HAO1: variants seen among roughly 807,000 people sequenced by gnomAD.
HAO1 encodes hydroxyacid oxidase 1.
Under a neutral mutation model 39.7 loss-of-function variants are expected in HAO1, and 34 were observed. That is an observed-to-expected ratio of 0.86 (90% CI 0.65 to 1.14). The LOEUF (loss-of-function observed/expected upper bound fraction) is 1.14, where lower values mean the gene tolerates loss of function less well. Among genes scored for constraint, HAO1 ranks in the 50% most tolerant of loss-of-function variants. The probability of loss-of-function intolerance (pLI) is 0.00; values close to 1 mark genes in which losing one functional copy is unlikely to be tolerated. For synonymous variants in HAO1, 172 were observed against 173.2 expected (o/e 0.99, Z 0.05); for missense variants, 479 against 464.5 (o/e 1.03, Z -0.29).
intron 4 of HAO1, among the ~76,000 whole-genome samples, chr20:7,905,054 G>A (rs954824344): frequency 6.6e-6 from 1 of 152,204 alleles, no homozygotes; most frequent in African/African-American, 2.4e-5. Context: ...ACAGAATAAT[G>A]TTTGAGATGA....
chr20:7,898,145 G>A (rs898457683), intron 4 of HAO1, among the ~76,000 whole-genome samples: 1 of 152,144 alleles, frequency 6.6e-6, no homozygotes, highest in Non-Finnish European at 1.5e-5. Flanking sequence ...AAGAAGTAGG[G>A]TGGGAGCAGG....
At chr20:7,886,190 T>G (rs1166509769) in intron 5 of HAO1, among the ~76,000 whole-genome samples, 4 of 152,106 alleles carry the variant, frequency 2.6e-5, no homozygotes, top group African/African-American at 9.7e-5. Flanking sequence ...TTGTTTTTTT[T>G]TGAGAGAGGG....
chr20:7,884,014 C>G (rs2050139759), intron 7 of HAO1, among the ~76,000 whole-genome samples: 1 of 152,212 alleles, frequency 6.6e-6, no homozygotes. Flanking sequence ...AGACTGAGTA[C>G]AGTAGTGAGT....
intron 7 of HAO1, 120 bp from the exon 8 acceptor site, chr20:7,883,783 G>A: frequency 1.2e-6 from 1 of 851,928 alleles, no homozygotes; most frequent in South Asian, 1.4e-5. Flanking sequence ...AGGTAGGCTT[G>A]CCAAATCTTA....
chr20:7,925,897 A>C (rs746441418), intron 2 of HAO1, among the ~76,000 whole-genome samples: 2 of 152,176 alleles, frequency 1.3e-5, no homozygotes, highest in African/African-American at 2.4e-5. Flanking sequence ...TAGGTGTTTT[A>C]ATCAACAATC....
chr20:7,888,792 T>C (rs2050161587), intron 5 of HAO1, among the ~76,000 whole-genome samples: 1 of 152,228 alleles, frequency 6.6e-6, no homozygotes, highest in South Asian at 2.1e-4. Flanking sequence ...ATTGAACTTA[T>C]GATTTGCTTT....
chr20:7,895,268 C>G (rs527685391), intron 4 of HAO1, 44 bp from the exon 5 acceptor site: 2 of 1,315,430 alleles, frequency 1.5e-6, no homozygotes, highest in Admixed American at 3.4e-5. Context: ...TGTAACTTAA[C>G]AGGCAGCTTG....
Position 7,909,360 on chromosome 20 carries a change from CATATATATAT to C in HAO1, c.546-3041_546-3032del, listed in dbSNP as rs749171756. On this transcript the variant is annotated intron_variant, in intron 3 of 7. Transcript: ENST00000378789. The stretch of plus-strand genomic sequence containing the variant: ...AATGCTATTTTTATTCGGATTATGA[CATATATATAT>C]ATATATATGTATATATATATATATA... Among the ~76,000 whole-genome samples, 2 of 109,090 alleles carry C rather than the reference CATATATATAT, an allele frequency of 1.8e-5. 1 individual carries two copies. The highest frequency in any genetic ancestry group is 3.4e-5 in the Non-Finnish European group (2 of 58,916). 71.6% of individuals were successfully genotyped at this position (109,090 alleles called of 152,430 possible).
chr20:7,917,781 T>C (rs760935815), intron 2 of HAO1, among the ~76,000 whole-genome samples: 16 of 152,162 alleles, frequency 1.1e-4, no homozygotes, highest in Non-Finnish European at 2.1e-4. Flanking sequence ...AGGATTCCCT[T>C]GAACTCATGA....
chr20:7,920,441 A>C (rs1030276038), intron 2 of HAO1, among the ~76,000 whole-genome samples: 3 of 152,142 alleles, frequency 2.0e-5, no homozygotes, highest in African/African-American at 7.2e-5. Flanking sequence ...TAAATACCTA[A>C]TCGTTTAGTA....
At chr20:7,888,732 T>C (rs150620281) in intron 5 of HAO1, among the ~76,000 whole-genome samples, 1 of 152,158 alleles carries the variant, frequency 6.6e-6, no homozygotes, top group Admixed American at 6.6e-5. Flanking sequence ...TGCAACATTA[T>C]GGGAGAAAGG....
At chr20:7,891,539 A>G (rs967142468) in intron 5 of HAO1, among the ~76,000 whole-genome samples, 5 of 152,070 alleles carry the variant, frequency 3.3e-5, no homozygotes, top group African/African-American at 9.7e-5. Flanking sequence ...AAAGCTCTTT[A>G]GTTTAATTAA....
At chr20:7,924,065 T>A (rs957306712) in intron 2 of HAO1, among the ~76,000 whole-genome samples, 1 of 152,136 alleles carries the variant, frequency 6.6e-6, no homozygotes, top group Non-Finnish European at 1.5e-5. Context: ...CACAGGTACA[T>A]TTGCCACATT....
At chr20:7,917,994 G>T (rs960806202) in intron 2 of HAO1, among the ~76,000 whole-genome samples, 3 of 152,166 alleles carry the variant, frequency 2.0e-5, no homozygotes, top group African/African-American at 7.2e-5. Flanking sequence ...ACAAGTAACT[G>T]CTGGAGTTAT....
intron 3 of HAO1, among the ~76,000 whole-genome samples, chr20:7,912,166 G>A (rs2050283132): frequency 1.3e-5 from 2 of 152,126 alleles, no homozygotes; most frequent in African/African-American, 2.4e-5. Context: ...TATGCACACC[G>A]ACAGCTGAAA....
chr20:7,917,979 T>C (rs1482819277), intron 2 of HAO1, among the ~76,000 whole-genome samples: 1 of 152,210 alleles, frequency 6.6e-6, no homozygotes, highest in East Asian at 1.9e-4. Flanking sequence ...TGATTCTACC[T>C]TGATACAAGT....
At chr20:7,908,506 T>C (rs930226812) in intron 3 of HAO1, among the ~76,000 whole-genome samples, 2 of 152,144 alleles carry the variant, frequency 1.3e-5, no homozygotes, top group Admixed American at 6.5e-5. Flanking sequence ...TTTTACACTT[T>C]AGAGTATTTT....
At chr20:7,908,114 G>A (rs2050257046) in intron 3 of HAO1, among the ~76,000 whole-genome samples, 1 of 152,116 alleles carries the variant, frequency 6.6e-6, no homozygotes, top group Non-Finnish European at 1.5e-5. Flanking sequence ...TATCGGCTGG[G>A]CGCAATGGCT....
chr20:7,922,200 C>A (rs780412137), intron 2 of HAO1, among the ~76,000 whole-genome samples: 1 of 152,054 alleles, frequency 6.6e-6, no homozygotes, highest in Non-Finnish European at 1.5e-5. Context: ...ATGAAAGAAG[C>A]TCAGTATCAC....
Sources: allele counts gnomAD v4.1 joint callset (sites outside exome capture counted in the v4.1 genomes callset), GRCh38; gene constraint gnomAD v4.1.1; transcripts MANE v1.5; gene names NCBI Gene and HGNC (gene_info 2026-07-23, HGNC 2026-07-21).